LRIG1: variants seen among roughly 807,000 people sequenced by gnomAD.
The protein encoded by LRIG1 is leucine rich repeats and immunoglobulin like domains 1.
A neutral mutation model predicts 99.2 loss-of-function variants in LRIG1; 48 were observed. That is an observed-to-expected ratio of 0.48 (90% confidence interval 0.38 to 0.62). LRIG1 has a LOEUF of 0.62. Ranked by LOEUF, LRIG1 falls within the 20% of genes least tolerant of loss-of-function variation. LRIG1 has a pLI of 0.00. For synonymous variants in LRIG1, 772 were observed against 596.1 expected (o/e 1.29, Z -4.30); for missense variants, 1,646 against 1,434.4 (o/e 1.15, Z -2.38).
In LRIG1 at chr3:66,382,274, A is replaced by G. The variant is rs1320154876; in HGVS notation, c.2616T>C (p.Asn872=). 6.2e-7 allele frequency: 1 copy of G among 1,614,046 alleles called. No individual in the cohort carries two copies. Among genetic ancestry groups the G allele is most frequent in the Non-Finnish European group, 8.5e-7 (1 of 1,179,984 alleles). Residue 872 remains asparagine (N), a splice_region_variant and synonymous_variant, in exon 16 of 19, where the codon AAT becomes AAC. Transcript: ENST00000273261. ...GPQANGHIES[N]GVCPRDASHF... ...GCTTCACAGTTACTGAGGCCTTACCATTGCTCTCAATGTGCCCATTGGCCT... is the reference window on the plus strand; with the variant it reads ...GCTTCACAGTTACTGAGGCCTTACCGTTGCTCTCAATGTGCCCATTGGCCT...
intron 3 of LRIG1, among the ~76,000 whole-genome samples, chr3:66,444,856 G>T (rs1349560680): frequency 7.0e-6 from 1 of 143,794 alleles, no homozygotes; most frequent in African/African-American, 2.6e-5. Context: ...AAGAGGACCA[G>T]AACTTTAGAT....
At chr3:66,452,710 C>G (rs941376798) in intron 2 of LRIG1, among the ~76,000 whole-genome samples, 1 of 151,908 alleles carries the variant, frequency 6.6e-6, no homozygotes, top group African/African-American at 2.4e-5. Context: ...AGAGAATAAT[C>G]TGGTTGTCTG....
chr3:66,438,110 C>G lies in LRIG1; in HGVS notation c.365+13449G>C, dbSNP rs79050323. 5.3e-3 allele frequency among the ~76,000 whole-genome samples: 804 copies of G among 152,276 alleles called. 6 individuals are homozygous for G. The highest frequency in any genetic ancestry group is 0.019 in the African/African-American group (773 of 41,542). On this transcript the variant is annotated intron_variant, in intron 3 of 18. Transcript: ENST00000273261. ...GATGAGGGCTGCCTCAGAGCCACAT[C>G]TGGATGCTTGGGAGCCAAGGCCTTG...
At chr3:66,385,958 T>C in intron 13 of LRIG1, 23 bp downstream of exon 13, 1 of 1,600,520 alleles carries the variant, frequency 6.2e-7, no homozygotes. Context: ...TCTGGTACTA[T>C]AACAAAGATG....
chr3:66,499,081 G>T (rs112249612), intron 1 of LRIG1, among the ~76,000 whole-genome samples: 1 of 152,288 alleles, frequency 6.6e-6, no homozygotes, highest in South Asian at 2.1e-4. Flanking sequence ...TTTAAGCTAG[G>T]CCTTTTCTGG....
chr3:66,462,175 T>C (rs959039346), intron 2 of LRIG1, among the ~76,000 whole-genome samples: 1 of 152,172 alleles, frequency 6.6e-6, no homozygotes, highest in African/African-American at 2.4e-5. Flanking sequence ...CTTCCCACAA[T>C]GGAGGGACTC....
chr3:66,472,029 G>T lies in LRIG1; in HGVS notation c.219-9520C>A, dbSNP rs1017337529. 1.5e-4 allele frequency among the ~76,000 whole-genome samples: 23 copies of T among 152,252 alleles called. 1 individual carries two copies. The highest frequency in any genetic ancestry group is 1.3e-3 in the Admixed American group (20 of 15,304). The stretch of plus-strand genomic sequence containing the variant: ...TTAAAATTCACTAACTTCGGGCCAG[G>T]CGTGGTGGCTCATGCCTGTAATCCC... On this transcript the variant is annotated intron_variant, in intron 1 of 18. Coordinates refer to ENST00000273261, the MANE Select transcript of LRIG1 (RefSeq NM_015541.3).
chr3:66,498,405 G>GA (rs971182889), intron 1 of LRIG1: 12 of 152,182 alleles, frequency 7.9e-5, no homozygotes, highest in Admixed American at 7.2e-4. Context: ...GTGACCATAG[G>GA]AAAGTGCAAA....
intron 16 of LRIG1, 131 bp from the exon 17 acceptor site, chr3:66,381,762 G>C (rs1701081701): frequency 1.0e-6 from 1 of 984,822 alleles, no homozygotes; most frequent in Admixed American, 2.3e-5. Flanking sequence ...TGGGGCTGCT[G>C]GTCTGGCAAG....
intron 1 of LRIG1, among the ~76,000 whole-genome samples, chr3:66,488,789 A>C (rs1575732024): frequency 1.3e-5 from 2 of 152,358 alleles, no homozygotes; most frequent in Admixed American, 6.5e-5. Flanking sequence ...TCCTGTGGCC[A>C]TGACTATAGA....
At position 66,495,793 on chromosome 3, in the gene LRIG1, G is replaced by A. The variant is rs1283388540; in HGVS notation, c.218+4397C>T. On this transcript the variant is annotated intron_variant, in intron 1 of 18. Transcript: ENST00000273261. ...TTGTTAAGTCACACAAAACCCCAGT[G>A]CTCTCTCCTGCATTCCTGTCCACCC... 2.6e-5 allele frequency among the ~76,000 whole-genome samples: 4 copies of A among 152,198 alleles called. No homozygotes were observed. In the East Asian group the frequency reaches 5.8e-4, roughly 22 times the overall value.
chr3:66,413,051 T>A (rs780411169), intron 5 of LRIG1, 37 bp from the exon 6 acceptor site: 3 of 1,611,588 alleles, frequency 1.9e-6, no homozygotes, highest in African/African-American at 2.7e-5. Context: ...GAGTGTCTTA[T>A]GTGCATATCC....
intron 1 of LRIG1, 103 bp downstream of exon 1, chr3:66,500,087 C>A: frequency 1.1e-6 from 1 of 899,540 alleles, no homozygotes; most frequent in South Asian, 1.7e-5. Flanking sequence ...ACTCCACACA[C>A]ACAACCCAGT....
chr3:66,405,069 C>T, intron 9 of LRIG1, 129 bp downstream of exon 9: 1 of 761,428 alleles, frequency 1.3e-6, no homozygotes, highest in Non-Finnish European at 2.2e-6. Flanking sequence ...AAGCTCTGCC[C>T]CAAACAAAAG....
chr3:66,483,309 G>A (rs745694347), intron 1 of LRIG1, among the ~76,000 whole-genome samples: 4 of 152,230 alleles, frequency 2.6e-5, no homozygotes, highest in Non-Finnish European at 5.9e-5. Context: ...GAGATCCTGC[G>A]TGTCTGAGGA....
chr3:66,450,986 C>T (rs1703886275), intron 3 of LRIG1, among the ~76,000 whole-genome samples: 2 of 152,150 alleles, frequency 1.3e-5, no homozygotes, highest in Admixed American at 1.3e-4. Flanking sequence ...GATAATATTC[C>T]CAATGGGTGC....
chr3:66,462,556 C>T (rs1700379061), intron 1 of LRIG1, 47 bp from the exon 2 acceptor site: 1 of 1,326,040 alleles, frequency 7.5e-7, no homozygotes, highest in Non-Finnish European at 1.1e-6. Flanking sequence ...AACCTGGCAT[C>T]ATACCCAGAA....
chr3:66,415,687 T>C (rs762241005), intron 4 of LRIG1, among the ~76,000 whole-genome samples: 7 of 152,038 alleles, frequency 4.6e-5, no homozygotes, highest in Non-Finnish European at 8.8e-5. Context: ...AGTCGGGGCA[T>C]CTCCCGTGAC....
intron 1 of LRIG1, among the ~76,000 whole-genome samples, chr3:66,486,432 TG>T (rs1432351569): frequency 6.6e-6 from 1 of 152,086 alleles, no homozygotes; most frequent in Non-Finnish European, 1.5e-5. Context: ...CATAACCAGA[TG>T]CCTGGAATGC....
Sources: gnomAD v4.1 joint callset for allele counts (sites outside exome capture counted in the v4.1 genomes callset) on GRCh38, gnomAD v4.1.1 for gene constraint, MANE v1.5 for transcripts, NCBI Gene and HGNC (gene_info 2026-07-23, HGNC 2026-07-21) for gene names.